The following GCNT1 variants were observed in gnomAD, a reference collection of about 807,000 sequenced individuals.
GCNT1 encodes the protein glucosaminyl (N-acetyl) transferase 1, also known as beta-1,3-galactosyl-O-glycosyl-glycoprotein beta-1,6-N-acetylglucosaminyltransferase.
A neutral mutation model predicts 26.2 loss-of-function variants in GCNT1; 16 were observed. The ratio of observed to expected loss-of-function variants is 0.61; its 90% confidence interval spans 0.41 to 0.93. The LOEUF is 0.93. Among genes scored for constraint, GCNT1 ranks in the 40% least tolerant of loss-of-function variants. The probability of loss-of-function intolerance (pLI) is 0.00; values close to 1 mark genes in which losing one functional copy is unlikely to be tolerated. For missense variants in GCNT1, 477 were observed against 526.7 expected (o/e 0.91, Z 0.92); for synonymous variants, 183 against 190.8 (o/e 0.96, Z 0.34).
At chr9:76,463,266 G>T (rs1177435027) in intron 2 of GCNT1, among the ~76,000 whole-genome samples, 1 of 149,634 alleles carries the variant, frequency 6.7e-6, no homozygotes, top group Non-Finnish European at 1.5e-5. Context: ...AATTTGTGGG[G>T]CCCCTTGTTA....
Position 76,503,531 on chromosome 9 carries a change from G to A in GCNT1, c.1150G>A (p.Gly384Arg), listed in dbSNP as rs182537966. 17 of 1,614,160 alleles carry A rather than the reference G, an allele frequency of 1.1e-5. No homozygotes were observed. Among genetic ancestry groups the A allele is most frequent in the Admixed American group, 6.7e-5 (4 of 60,014 alleles). The change falls in exon 4 of 4, where the codon GGA (glycine) becomes AGA (arginine). Residue 384 changes from glycine (G) to arginine (R), a missense_variant. Gly to Arg is a moderately radical substitution (Grantham distance 125, BLOSUM62 -2). Transcript: ENST00000376730. ...GVHVRSVCIF[G>R]AGDLNWMLRK... ...CCATGTGCGCTCAGTGTGCATTTTC[G>A]GAGCTGGTGACTTGAACTGGATGCT...
upstream of GCNT1, among the ~76,000 whole-genome samples, chr9:76,437,579 TAG>T (rs1311505182): frequency 6.6e-6 from 1 of 152,222 alleles, no homozygotes; most frequent in Non-Finnish European, 1.5e-5. Flanking sequence ...GCTCTGTCTA[TAG>T]AGTAGCCATT....
intron 1 of GCNT1, among the ~76,000 whole-genome samples, chr9:76,434,486 G>T (rs1174559448): frequency 1.3e-5 from 2 of 152,074 alleles, no homozygotes; most frequent in East Asian, 3.8e-4. Flanking sequence ...TGTTATCTTT[G>T]TAAGCTGCGG....
chr9:76,409,345 G>C, the GCNT1 span, among the ~76,000 whole-genome samples: 2 of 151,754 alleles, frequency 1.3e-5, no homozygotes, highest in Admixed American at 6.6e-5. Context: ...TTTTTTTCTT[G>C]GTTAGCCTGG....
chr9:76,436,598 C>CAA (rs1178497535), intron 1 of GCNT1, among the ~76,000 whole-genome samples: 576 of 39,884 alleles, frequency 0.014, 13 homozygotes, highest in Non-Finnish European at 0.019. Context: ...GATTCCATCT[C>CAA]AAAAAAAAAA....
the GCNT1 span, among the ~76,000 whole-genome samples, chr9:76,411,725 A>G: frequency 1.6e-5 from 1 of 61,946 alleles, no homozygotes; most frequent in East Asian, 2.4e-4. Flanking sequence ...TTTTTTTAAC[A>G]GAGTCTTGCT....
chr9:76,492,820 A>G (rs1050774852), intron 2 of GCNT1, among the ~76,000 whole-genome samples: 1 of 151,934 alleles, frequency 6.6e-6, no homozygotes, highest in Admixed American at 6.6e-5. Context: ...TCTGAGAGCC[A>G]TGACTAAGGC....
rs1825122559 is a variant in GCNT1 at position 76,502,928 on chromosome 9, G to T, written c.547G>T (p.Glu183Ter). Residue 183 changes from glutamate (E) to a stop codon, truncating the protein, a stop_gained, in exon 4 of 4, where the codon GAG becomes TAG. Transcript: ENST00000376730. LOFTEE classifies it high-confidence loss of function. ...TAATGTCTTTGTGGCCAGCCGATTG[G>T]AGAGTGTGGTTTATGCATCGTGGAG... ...FSNVFVASRL[E>*]SVVYASWSRV... 6.2e-7 allele frequency: 1 copy of T among 1,613,280 alleles called. No individual in the cohort carries two copies. The highest frequency in any genetic ancestry group is 1.3e-5 in the African/African-American group (1 of 75,046).
intron 2 of GCNT1, among the ~76,000 whole-genome samples, chr9:76,480,101 T>C (rs1824378941): frequency 1.3e-5 from 2 of 152,244 alleles, no homozygotes. Flanking sequence ...GCACTATTTG[T>C]TAAATAGGGA....
upstream of GCNT1, among the ~76,000 whole-genome samples, chr9:76,457,608 G>A (rs1184921364): frequency 6.6e-6 from 1 of 152,146 alleles, no homozygotes; most frequent in Admixed American, 6.5e-5. Context: ...ACTTACAAAT[G>A]ACTCAGACAT....
At chr9:76,429,992 G>A (rs1487683468) in intron 1 of GCNT1, among the ~76,000 whole-genome samples, 1 of 152,100 alleles carries the variant, frequency 6.6e-6, no homozygotes, top group Non-Finnish European at 1.5e-5. Context: ...GGGATTACAG[G>A]CGTGAGTCAC....
chr9:76,443,886 A>AAAGGAAGAAAGGAAGAAAGG (rs1491463041), intron 1 of GCNT1, among the ~76,000 whole-genome samples: 1 of 71,880 alleles, frequency 1.4e-5, no homozygotes, highest in Non-Finnish European at 2.8e-5. Flanking sequence ...GGAAAGAAAG[A>AAAGGAAGAAAGGAAGAAAGG]AAGAAAGAAA....
At chr9:76,447,225 C>T (rs2131584939) in intron 1 of GCNT1, among the ~76,000 whole-genome samples, 2 of 145,788 alleles carry the variant, frequency 1.4e-5, no homozygotes, top group African/African-American at 5.0e-5. Context: ...TTGCTTCTTC[C>T]TTTTCTTTTT....
intron 1 of GCNT1, among the ~76,000 whole-genome samples, chr9:76,424,009 A>G (rs1459522784): frequency 1.3e-5 from 2 of 152,198 alleles, no homozygotes; most frequent in Non-Finnish European, 2.9e-5. Flanking sequence ...GATGCTAGAG[A>G]TTACAAAGAA....
intron 2 of GCNT1, among the ~76,000 whole-genome samples, chr9:76,495,697 G>C (rs1318961331): frequency 6.6e-6 from 1 of 152,118 alleles, no homozygotes; most frequent in Non-Finnish European, 1.5e-5. Flanking sequence ...AGGCCAGCTG[G>C]CTTCACCTCT....
At chr9:76,441,026 C>T (rs1321256060), upstream of GCNT1, among the ~76,000 whole-genome samples, 6 of 145,130 alleles carry the variant, frequency 4.1e-5, no homozygotes, top group Non-Finnish European at 3.0e-5. Context: ...GATCACACCA[C>T]TGCACTCCAG....
intron 2 of GCNT1, among the ~76,000 whole-genome samples, chr9:76,472,749 C>CTTTTCT (rs1243565035): frequency 8.9e-4 from 28 of 31,420 alleles, no homozygotes; most frequent in Admixed American, 6.5e-3. Context: ...CTTTTCTTTT[C>CTTTTCT]TTTTTTTTTT....
chr9:76,394,194 G>T, the GCNT1 span: 1 of 1,568,300 alleles, frequency 6.4e-7, no homozygotes, highest in Non-Finnish European at 8.6e-7. Context: ...TCGGGGAATG[G>T]GCTGCGGCCC....
At chr9:76,487,743 C>T (rs975220982) in intron 2 of GCNT1, among the ~76,000 whole-genome samples, 1 of 152,092 alleles carries the variant, frequency 6.6e-6, no homozygotes, top group Admixed American at 6.5e-5. Flanking sequence ...ATAATGCATA[C>T]ATATATTTGA....
Sources: gnomAD v4.1 joint callset for allele counts (sites outside exome capture counted in the v4.1 genomes callset) on GRCh38, gnomAD v4.1.1 for gene constraint, MANE v1.5 for transcripts, NCBI Gene and HGNC (gene_info 2026-07-23, HGNC 2026-07-21) for gene names.